The following GATAD2B variants were observed in gnomAD, a reference collection of about 807,000 sequenced individuals.
GATAD2B encodes the protein transcriptional repressor p66-beta.
In GATAD2B, 8 loss-of-function variants were observed where a neutral mutation model predicts 64.3. The ratio of observed to expected loss-of-function variants is 0.12; its 90% CI spans 0.07 to 0.22. The LOEUF is 0.22. Among genes scored for constraint, GATAD2B ranks in the 10% least tolerant of loss-of-function variants. GATAD2B has a pLI of 1.00. For missense variants in GATAD2B, 453 were observed against 752.0 expected, an observed-to-expected ratio of 0.60 and a Z score of 4.65; for synonymous variants, 281 against 271.3, an observed-to-expected ratio of 1.04 and a Z score of -0.35.
At chr1:153,824,814 T>A (rs547447582) in intron 2 of GATAD2B, among the ~76,000 whole-genome samples, 1 of 151,010 alleles carries the variant, frequency 6.6e-6, no homozygotes, top group South Asian at 2.1e-4. Context: ...CCCGGCATGG[T>A]GGCTCATGCC....
intron 1 of GATAD2B, among the ~76,000 whole-genome samples, chr1:153,911,864 T>A (rs1700094174): frequency 6.6e-6 from 1 of 152,200 alleles, no homozygotes; most frequent in South Asian, 2.1e-4. Flanking sequence ...ACCATAACAG[T>A]ATCCTTTATT....
intron 1 of GATAD2B, among the ~76,000 whole-genome samples, chr1:153,845,476 T>G (rs1675651245): frequency 6.6e-6 from 1 of 152,132 alleles, no homozygotes; most frequent in Admixed American, 6.6e-5. Context: ...GGCGTGGTGG[T>G]GGCTCACACC....
At chr1:153,821,329 G>A (rs1674677625) in intron 2 of GATAD2B, among the ~76,000 whole-genome samples, 1 of 152,052 alleles carries the variant, frequency 6.6e-6, no homozygotes, top group East Asian at 1.9e-4. Flanking sequence ...ACTGGAATAA[G>A]CAATTTCCTA....
intron 1 of GATAD2B, among the ~76,000 whole-genome samples, chr1:153,881,975 G>A (rs958506792): frequency 1.3e-5 from 2 of 152,054 alleles, no homozygotes; most frequent in Non-Finnish European, 2.9e-5. Flanking sequence ...ATCACATGGT[G>A]TACTGTTATA....
At chr1:153,869,924 A>G in intron 1 of GATAD2B, among the ~76,000 whole-genome samples, 1 of 151,922 alleles carries the variant, frequency 6.6e-6, no homozygotes, top group Middle Eastern at 3.2e-3. Context: ...CCAGGAGTTC[A>G]AGACCAGCTG....
At chr1:153,881,706 A>G (rs1474851903) in intron 1 of GATAD2B, among the ~76,000 whole-genome samples, 2 of 152,198 alleles carry the variant, frequency 1.3e-5, no homozygotes, top group African/African-American at 4.8e-5. Flanking sequence ...TAGCTTCCAG[A>G]AAAGTGAGAG....
At chr1:153,850,493 T>G (rs1675848815) in intron 1 of GATAD2B, among the ~76,000 whole-genome samples, 1 of 152,030 alleles carries the variant, frequency 6.6e-6, no homozygotes, top group Non-Finnish European at 1.5e-5. Context: ...AGAGACCAGG[T>G]ATCACTATGT....
At chr1:153,921,103 T>C (rs1177225604) in intron 1 of GATAD2B, among the ~76,000 whole-genome samples, 1 of 152,168 alleles carries the variant, frequency 6.6e-6, no homozygotes, top group African/African-American at 2.4e-5. Flanking sequence ...AGGACAATAC[T>C]TGAAAGGCTG....
intron 1 of GATAD2B, among the ~76,000 whole-genome samples, chr1:153,863,433 T>C (rs747577564): frequency 6.7e-6 from 1 of 149,458 alleles, no homozygotes; most frequent in African/African-American, 2.5e-5. Flanking sequence ...GAGGTGGAGG[T>C]TGCAGTGAGC....
intron 1 of GATAD2B, among the ~76,000 whole-genome samples, chr1:153,880,716 C>T (rs568758837): frequency 1.5e-4 from 23 of 151,998 alleles, no homozygotes; most frequent in Non-Finnish European, 2.4e-4. Flanking sequence ...TGGTGGTACA[C>T]GCCTGCAGTC....
intron 1 of GATAD2B, among the ~76,000 whole-genome samples, chr1:153,905,785 A>G (rs911772833): frequency 6.7e-6 from 1 of 149,350 alleles, no homozygotes; most frequent in African/African-American, 2.4e-5. Flanking sequence ...AAAAAAAAAA[A>G]GCCGGGTGCA....
At chr1:153,850,035 G>C (rs1280369562) in intron 1 of GATAD2B, among the ~76,000 whole-genome samples, 1 of 152,166 alleles carries the variant, frequency 6.6e-6, no homozygotes, top group Non-Finnish European at 1.5e-5. Context: ...CATGGTAAAT[G>C]AGCTGTTTTC....
chr1:153,858,746 A>G (rs1676172241), intron 1 of GATAD2B, among the ~76,000 whole-genome samples: 1 of 152,130 alleles, frequency 6.6e-6, no homozygotes, highest in East Asian at 1.9e-4. Flanking sequence ...AAGAAAAGAG[A>G]AACAATCAAA....
intron 1 of GATAD2B, among the ~76,000 whole-genome samples, chr1:153,877,751 G>A (rs1170467861): frequency 2.0e-5 from 3 of 151,840 alleles, no homozygotes; most frequent in Non-Finnish European, 4.4e-5. Flanking sequence ...GGTGGCACAT[G>A]CTTATAATCC....
intron 7 of GATAD2B, among the ~76,000 whole-genome samples, chr1:153,815,726 T>TTAGA (rs952081613): frequency 1.3e-5 from 2 of 151,632 alleles, no homozygotes; most frequent in Non-Finnish European, 2.9e-5. Context: ...AGATGATAGA[T>TTAGA]TAGATAGATA....
chr1:153,838,584 CTGGGCCCCCGGGTTCAAGCGACTCTCA>C (rs1375018704), intron 1 of GATAD2B, among the ~76,000 whole-genome samples: 1 of 152,046 alleles, frequency 6.6e-6, no homozygotes, highest in Non-Finnish European at 1.5e-5. Context: ...TCACTGAAGC[CTGGGCCCCCGGGTTCAAGCGACTCTCA>C]TGCCTCGGCC....
In GATAD2B at chr1:153,817,545, G is replaced by A. The variant is rs750520735; in HGVS notation, c.730-3C>T. On this transcript the variant is annotated splice_region_variant and splice_polypyrimidine_tract_variant and intron_variant, in intron 5 of 10. Transcript: ENST00000368655. ...GCTGAACGGATGACACTGTGACCCT[G>A]GAGGGGAAGAAGAGGAAAAGAACTA... 6.3e-7 allele frequency: 1 copy of A among 1,581,860 alleles called. No individual in the cohort carries two copies. Among genetic ancestry groups the A allele is most frequent in the Non-Finnish European group, 8.6e-7 (1 of 1,165,570 alleles).
At chr1:153,812,230 T>C (rs1674318431) in intron 8 of GATAD2B, 98 bp from the exon 9 acceptor site, 2 of 689,606 alleles carry the variant, frequency 2.9e-6, no homozygotes, top group Non-Finnish European at 5.0e-6. Context: ...CAATCTGACT[T>C]TGTTGCCCAG....
At position 153,806,884 on chromosome 1, in the gene GATAD2B, T is replaced by C. The variant is rs1674127669; in HGVS notation, c.*3293A>G. ...AAGAAGCATCTTTACAAAGCAGTTC[T>C]ATAGCTAATTCCTTTTAAAGGGGAA... On this transcript the variant is annotated 3_prime_UTR_variant, in exon 11 of 11. Transcript: ENST00000368655. The C allele has an allele frequency of 6.6e-6, 1 of 152,354 alleles. No homozygotes were observed. The highest frequency in any genetic ancestry group is 2.4e-5 in the African/African-American group (1 of 41,388). 9.4% of individuals were successfully genotyped at this position (152,354 alleles called of 1,614,324 possible).
Sources: gnomAD v4.1 joint callset for allele counts (sites outside exome capture counted in the v4.1 genomes callset) on GRCh38, gnomAD v4.1.1 for gene constraint, MANE v1.5 for transcripts, NCBI Gene and HGNC (gene_info 2026-07-23, HGNC 2026-07-21) for gene names.